Variants in ZZZ3 observed in about 807,000 individuals in gnomAD.
ZZZ3 encodes ZZ-type zinc finger-containing protein 3.
Under a neutral mutation model 95.2 loss-of-function variants are expected in ZZZ3, and 22 were observed. The ratio of observed to expected loss-of-function variants is 0.23; its 90% CI spans 0.17 to 0.33. The LOEUF (loss-of-function observed/expected upper bound fraction) is 0.33, where lower values mean the gene tolerates loss of function less well. Ranked by LOEUF, ZZZ3 falls within the 10% of genes least tolerant of loss-of-function variation. ZZZ3 has a pLI of 1.00. For missense variants in ZZZ3, 885 were observed against 1,066.5 expected (o/e 0.83, Z 2.37); for synonymous variants, 335 against 358.9 (o/e 0.93, Z 0.75).
rs184099903 is a variant in ZZZ3, at chr1:77,570,172, G to A, written c.2332-1706C>T. Among the ~76,000 whole-genome samples, 193 of 152,002 alleles carry A rather than the reference G, an allele frequency of 1.3e-3. 4 individuals are homozygous for A. Among genetic ancestry groups the A allele is most frequent in the African/African-American group, 4.6e-3 (189 of 41,474 alleles). ...GGCTGGAGCGCAGTGGCGCGATCTTGGCTCACTGCAAACTCTGCCTTCTGG... is the reference window on the plus strand; with the variant it reads ...GGCTGGAGCGCAGTGGCGCGATCTTAGCTCACTGCAAACTCTGCCTTCTGG... On this transcript the variant is annotated intron_variant, in intron 12 of 14. Coordinates refer to ENST00000370801, the MANE Select transcript of ZZZ3 (RefSeq NM_015534.6).
At chr1:77,597,085 T>C (rs1224487299) in intron 5 of ZZZ3, among the ~76,000 whole-genome samples, 1 of 152,008 alleles carries the variant, frequency 6.6e-6, no homozygotes, top group Non-Finnish European at 1.5e-5. Context: ...AGGGAGGAAA[T>C]ATACAAAATG....
intron 5 of ZZZ3, among the ~76,000 whole-genome samples, chr1:77,592,049 A>G (rs889275312): frequency 5.3e-5 from 8 of 151,968 alleles, no homozygotes; most frequent in Non-Finnish European, 7.4e-5. Context: ...CCTATCCCTC[A>G]CTCCAGCCCC....
intron 5 of ZZZ3, among the ~76,000 whole-genome samples, chr1:77,589,593 T>G (rs1663465534): frequency 6.6e-6 from 1 of 151,846 alleles, no homozygotes; most frequent in African/African-American, 2.4e-5. Flanking sequence ...ATGCCACCAT[T>G]CCCAGCGAAT....
intron 5 of ZZZ3, among the ~76,000 whole-genome samples, chr1:77,626,736 T>G (rs1667372931): frequency 6.6e-6 from 1 of 152,194 alleles, no homozygotes; most frequent in African/African-American, 2.4e-5. Context: ...TCTGGTGAGT[T>G]GAGAAGGTAC....
chr1:77,635,474 C>T (rs530553729), intron 4 of ZZZ3, among the ~76,000 whole-genome samples: 53 of 152,312 alleles, frequency 3.5e-4, no homozygotes, highest in African/African-American at 1.3e-3. Context: ...GAACAGCTGA[C>T]ATTTAATTAT....
chr1:77,569,363 T>G (rs771416343), intron 12 of ZZZ3, among the ~76,000 whole-genome samples: 4 of 152,136 alleles, frequency 2.6e-5, no homozygotes, highest in Non-Finnish European at 5.9e-5. Context: ...ATAAATGTAT[T>G]AAGTTGAAGT....
rs757297207 is a variant in ZZZ3 at position 77,632,687 on chromosome 1, T to C, written c.668A>G (p.Asn223Ser). The C allele has an allele frequency of 5.6e-6, 9 of 1,614,114 alleles. No homozygotes were observed. Among genetic ancestry groups the C allele is most frequent in the African/African-American group, 4.0e-5 (3 of 74,944 alleles). Residue 223 changes from asparagine to serine, a missense_variant, in exon 5 of 15, where the codon AAC (asparagine) becomes AGC (serine). Transcript: ENST00000370801. ...INCDDCQPDG[N>S]TKQNSIGSYV... ...GGAACCAATGCTATTTTGTTTAGTG[T>C]TCCCATCAGGCTGACAGTCATCACA...
chr1:77,581,952 T>C, intron 7 of ZZZ3, 27 bp downstream of exon 7: 1 of 1,601,512 alleles, frequency 6.2e-7, no homozygotes, highest in Non-Finnish European at 8.5e-7. Flanking sequence ...ATTTTTCTAC[T>C]TAAATTCTTA....
chr1:77,639,156 C>T lies in ZZZ3; in HGVS notation c.-52+293G>A, dbSNP rs148075125. ...ATAGACAAAAGTAAATGAACACACA[C>T]TTTAAAAGACGATCAGGAAAAGGAA... On this transcript the variant is annotated intron_variant, in intron 4 of 14. Coordinates refer to ENST00000370801, the MANE Select transcript of ZZZ3 (RefSeq NM_015534.6). Among the ~76,000 whole-genome samples the T allele has an allele frequency of 0.018, 2,794 of 151,918 alleles. 38 individuals carry two copies. The highest frequency in any genetic ancestry group is 0.025 in the Non-Finnish European group (1,731 of 67,960).
chr1:77,562,577 A>T lies in ZZZ3; in HGVS notation c.*3063T>A, dbSNP rs1390833969. The T allele has an allele frequency of 6.6e-6, 1 of 152,190 alleles. No homozygotes were observed. The highest frequency in any genetic ancestry group is 1.9e-4 in the East Asian group (1 of 5,206). 9.4% of individuals were successfully genotyped at this position (152,190 alleles called of 1,614,324 possible). A position where few individuals can be genotyped will look rare whatever the true frequency, so the allele number is the denominator to read the frequency against. On this transcript the variant is annotated 3_prime_UTR_variant, in exon 15 of 15. Coordinates refer to ENST00000370801, the MANE Select transcript of ZZZ3 (RefSeq NM_015534.6). ...AGTAAATTTTTGTGTTCTGTGAATC[A>T]ATTTAAACAAAAAGGGGAAGGGGGG...
intron 12 of ZZZ3, among the ~76,000 whole-genome samples, chr1:77,575,402 A>G (rs1015222358): frequency 6.6e-6 from 1 of 152,230 alleles, no homozygotes; most frequent in Non-Finnish European, 1.5e-5. Context: ...CCAAAAAAAG[A>G]GACAACCAGG....
At chr1:77,578,399 A>G (rs1662175451) in intron 11 of ZZZ3, among the ~76,000 whole-genome samples, 1 of 152,168 alleles carries the variant, frequency 6.6e-6, no homozygotes, top group Non-Finnish European at 1.5e-5. Flanking sequence ...AAACCTTTCT[A>G]TTCTTGGATT....
At chr1:77,584,027 A>G (rs1662808497) in intron 6 of ZZZ3, among the ~76,000 whole-genome samples, 1 of 152,222 alleles carries the variant, frequency 6.6e-6, no homozygotes, top group African/African-American at 2.4e-5. Context: ...CTTCTTCCTC[A>G]TGGACTTGGC....
intron 1 of ZZZ3, among the ~76,000 whole-genome samples, chr1:77,650,565 G>A (rs892830376): frequency 6.6e-6 from 1 of 151,648 alleles, no homozygotes. Flanking sequence ...AAATCTCTGG[G>A]GAACAGCAAA....
chr1:77,661,046 G>C (rs1670730780), intron 1 of ZZZ3, among the ~76,000 whole-genome samples: 1 of 145,448 alleles, frequency 6.9e-6, no homozygotes, highest in African/African-American at 2.6e-5. Context: ...AGCTTTAATT[G>C]CTTTAACGCA....
intron 13 of ZZZ3, among the ~76,000 whole-genome samples, chr1:77,567,769 T>C (rs1293075088): frequency 1.3e-5 from 2 of 152,170 alleles, no homozygotes; most frequent in African/African-American, 2.4e-5. Flanking sequence ...AATGAGTATA[T>C]GCATTTCTAT....
intron 12 of ZZZ3, among the ~76,000 whole-genome samples, chr1:77,570,428 G>A (rs543941968): frequency 6.6e-6 from 1 of 152,098 alleles, no homozygotes; most frequent in African/African-American, 2.4e-5. Flanking sequence ...GTCTTATATC[G>A]AATGTAACAA....
Position 77,632,935 on chromosome 1 carries a change from G to A in ZZZ3, c.420C>T (p.Asp140=). The A allele has an allele frequency of 1.2e-6, 2 of 1,614,036 alleles. No homozygotes were observed. Among genetic ancestry groups the A allele is most frequent in the Non-Finnish European group, 1.7e-6 (2 of 1,180,012 alleles). ...TACTCCTCTGTTCTACTGACTCCTT[G>A]TCTGATTTTATAGGAGAATCTTCTT... ...SSEEDSPIKS[D]KESVEQRSTV... is the part of the protein sequence containing the mutation. The change falls in exon 5 of 15, where the codon GAC becomes GAT. Residue 140 remains aspartate, a synonymous_variant. Transcript: ENST00000370801.
At chr1:77,570,172 G>C (rs184099903) in intron 12 of ZZZ3, among the ~76,000 whole-genome samples, 1 of 151,886 alleles carries the variant, frequency 6.6e-6, no homozygotes, top group Non-Finnish European at 1.5e-5. Context: ...GCGCGATCTT[G>C]GCTCACTGCA....
Sources: allele counts gnomAD v4.1 joint callset (sites outside exome capture counted in the v4.1 genomes callset), GRCh38; gene constraint gnomAD v4.1.1; transcripts MANE v1.5; gene names NCBI Gene and HGNC (gene_info 2026-07-23, HGNC 2026-07-21).